Variants in NFIB observed in about 807,000 individuals in gnomAD.
The protein encoded by NFIB is nuclear factor 1 B-type.
NFIB carries 11 observed loss-of-function variants against 61.5 expected under a neutral mutation model. The observed-to-expected ratio is 0.18, with a 90% CI of 0.11 to 0.30. NFIB has a LOEUF of 0.30. Among genes scored for constraint, NFIB ranks in the 10% least tolerant of loss-of-function variants. NFIB has a pLI of 1.00. For missense variants in NFIB, 471 were observed against 608.9 expected (o/e 0.77, Z 2.38); for synonymous variants, 260 against 216.5 (o/e 1.20, Z -1.76).
the NFIB span, among the ~76,000 whole-genome samples, chr9:14,435,167 A>G: frequency 6.6e-6 from 1 of 152,238 alleles, no homozygotes; most frequent in Non-Finnish European, 1.5e-5. Context: ...CAGGCAAGGC[A>G]TTCTCTGGCC....
chr9:14,519,472 A>C, the NFIB span, among the ~76,000 whole-genome samples: 2 of 152,314 alleles, frequency 1.3e-5, no homozygotes, highest in South Asian at 4.2e-4. Flanking sequence ...CCACTGACTT[A>C]ACTGCTAAGA....
rs913659194 is a variant in NFIB, at chr9:14,085,786, G to A, written c.*2523C>T. The A allele has an allele frequency of 4.5e-5, 10 of 220,324 alleles. No individual in the cohort carries two copies. Among genetic ancestry groups the A allele is most frequent in the South Asian group, 1.9e-4 (1 of 5,400 alleles). The allele number at this position is 220,324 out of a possible 1,614,324, so 13.6% of individuals were successfully genotyped here. On this transcript the variant is annotated 3_prime_UTR_variant, in exon 11 of 11. Coordinates refer to ENST00000380953, the MANE Select transcript of NFIB (RefSeq NM_001190737.2). ...ATCATTAATGAAATGAAATGGGGAC[G>A]AAAAGTGGCAGAAAAGGAATACGGG...
chr9:14,121,791 T>A (rs745345898), intron 7 of NFIB, among the ~76,000 whole-genome samples: 1 of 152,286 alleles, frequency 6.6e-6, no homozygotes, highest in South Asian at 2.1e-4. Context: ...GGAAATACTA[T>A]ATAAAACACA....
the NFIB span, among the ~76,000 whole-genome samples, chr9:14,458,102 G>A: frequency 1.6e-4 from 24 of 152,192 alleles, no homozygotes; most frequent in African/African-American, 3.1e-4. Context: ...GATGAACATC[G>A]ATGCAAAAAT....
rs148846042 is a variant in NFIB, at chr9:14,170,199, T to C, written c.616+9528A>G. ...TAGAGCAAGTCCACTATATTTGTGA[T>C]ACAAAACAATCCCAGCTTTCCGTCT... On this transcript the variant is annotated intron_variant, in intron 3 of 10. Transcript: ENST00000380953. Among the ~76,000 whole-genome samples the C allele has an allele frequency of 2.2e-3, 333 of 152,326 alleles. 1 individual carries two copies. The highest frequency in any genetic ancestry group is 7.8e-3 in the African/African-American group (324 of 41,572).
intron 1 of NFIB, among the ~76,000 whole-genome samples, chr9:14,367,506 G>T (rs471088): frequency 1.3e-5 from 2 of 151,846 alleles, no homozygotes; most frequent in Non-Finnish European, 2.9e-5. Flanking sequence ...AGGGTCAAAA[G>T]GTTGTAAGCA....
the NFIB span, among the ~76,000 whole-genome samples, chr9:14,492,503 T>C: frequency 6.6e-6 from 1 of 152,022 alleles, no homozygotes; most frequent in Non-Finnish European, 1.5e-5. Context: ...TGGGGAGGCC[T>C]CAGGAAAACT....
At chr9:14,097,875 C>CTTTTTTCTT (rs1554630192) in intron 10 of NFIB, among the ~76,000 whole-genome samples, 10 of 110,834 alleles carry the variant, frequency 9.0e-5, no homozygotes, top group African/African-American at 3.1e-4. Context: ...TTTCTTTTTT[C>CTTTTTTCTT]TTTTTTTTTT....
the NFIB span, among the ~76,000 whole-genome samples, chr9:14,512,826 T>C: frequency 6.6e-6 from 1 of 151,996 alleles, no homozygotes; most frequent in Admixed American, 6.5e-5. Context: ...TTAAGCTACC[T>C]TTACAAAATG....
At chr9:14,399,287 A>C (rs2061719142), upstream of NFIB, among the ~76,000 whole-genome samples, 6 of 152,214 alleles carry the variant, frequency 3.9e-5, no homozygotes, top group Admixed American at 3.9e-4. Context: ...GCACTGGTCT[A>C]GATAGTTGGA....
At chr9:14,522,670 G>T in the NFIB span, among the ~76,000 whole-genome samples, 1 of 152,178 alleles carries the variant, frequency 6.6e-6, no homozygotes, top group Non-Finnish European at 1.5e-5. Flanking sequence ...TGCAGTGCAT[G>T]CTAGAGCATA....
intron 2 of NFIB, among the ~76,000 whole-genome samples, chr9:14,259,453 G>A (rs1225031769): frequency 6.6e-6 from 1 of 152,198 alleles, no homozygotes; most frequent in Non-Finnish European, 1.5e-5. Context: ...GGACTTGACT[G>A]TGGATTCTAC....
chr9:14,334,040 C>T (rs900452591), intron 1 of NFIB, among the ~76,000 whole-genome samples: 6 of 152,132 alleles, frequency 3.9e-5, no homozygotes, highest in African/African-American at 1.2e-4. Context: ...TGCAGGTAAC[C>T]GTGTTTTGTT....
chr9:14,366,548 T>C (rs370724735), intron 1 of NFIB, among the ~76,000 whole-genome samples: 46 of 152,060 alleles, frequency 3.0e-4, no homozygotes, highest in African/African-American at 9.2e-4. Flanking sequence ...TGCAGTGACA[T>C]GATCTCAGCT....
chr9:14,455,056 A>G, the NFIB span, among the ~76,000 whole-genome samples: 1 of 152,196 alleles, frequency 6.6e-6, no homozygotes, highest in African/African-American at 2.4e-5. Context: ...GTTATTTGTT[A>G]CTGCTGCTTA....
At chr9:14,222,963 A>C (rs1315753122) in intron 2 of NFIB, among the ~76,000 whole-genome samples, 1 of 152,100 alleles carries the variant, frequency 6.6e-6, no homozygotes. Flanking sequence ...TTATGCAGCT[A>C]AATCAGGGGT....
chr9:14,261,654 G>A (rs997400388), intron 2 of NFIB, among the ~76,000 whole-genome samples: 2 of 152,214 alleles, frequency 1.3e-5, no homozygotes, highest in Non-Finnish European at 2.9e-5. Context: ...AGGAATGGGA[G>A]ATGGGGAAGT....
At chr9:14,386,989 G>A (rs1023531667) in intron 1 of NFIB, among the ~76,000 whole-genome samples, 4 of 152,150 alleles carry the variant, frequency 2.6e-5, no homozygotes, top group African/African-American at 9.7e-5. Context: ...ATTTTAAGAG[G>A]AGAAAAAATG....
At position 14,222,795 on chromosome 9, in the gene NFIB, C is replaced by A. The variant is rs868095367; in HGVS notation, c.563-43015G>T. 1.8e-3 allele frequency among the ~76,000 whole-genome samples: 158 copies of A among 86,726 alleles called. 2 individuals are homozygous for A. The highest frequency in any genetic ancestry group is 3.6e-3 in the South Asian group (8 of 2,222). The allele number at this position is 86,726 out of a possible 152,430, so 56.9% of individuals were successfully genotyped here. A position where few individuals can be genotyped will look rare whatever the true frequency, so the allele number is the denominator to read the frequency against. Reference sequence around the variant, plus strand: ...TGGGCAACAGAGTAAGATCCTGTCTCAAAAAAAAAAAAAAGAAAGAAAGAA... The same window carrying A: ...TGGGCAACAGAGTAAGATCCTGTCTAAAAAAAAAAAAAAAGAAAGAAAGAA... On this transcript the variant is annotated intron_variant, in intron 2 of 10. Transcript: ENST00000380953.
Sources: gnomAD v4.1 joint callset for allele counts (sites outside exome capture counted in the v4.1 genomes callset) on GRCh38, gnomAD v4.1.1 for gene constraint, MANE v1.5 for transcripts, NCBI Gene and HGNC (gene_info 2026-07-23, HGNC 2026-07-21) for gene names.